Variants in KIF15 observed in about 807,000 individuals in gnomAD.
KIF15 encodes kinesin-like protein KIF15.
A neutral mutation model predicts 190.6 loss-of-function variants in KIF15; 140 were observed. The ratio of observed to expected loss-of-function variants is 0.73; its 90% CI spans 0.64 to 0.84. KIF15 has a LOEUF of 0.84. KIF15 is among the 40% of genes least tolerant of loss of function. The pLI, the probability that KIF15 is intolerant of heterozygous loss-of-function variation, is 0.00. For synonymous variants in KIF15, 528 were observed against 551.3 expected, an observed-to-expected ratio of 0.96 and a Z score of 0.59; for missense variants, 1,372 against 1,584.4, an observed-to-expected ratio of 0.87 and a Z score of 2.28.
At chr3:44,861,247 T>A (rs1300553695) in intron 6 of KIF15, among the ~76,000 whole-genome samples, 1 of 152,190 alleles carries the variant, frequency 6.6e-6, no homozygotes. Flanking sequence ...CGCCTCGGCC[T>A]CCCAAAGTGC....
At position 44,784,728 on chromosome 3, in the gene KIF15, G is replaced by C. The variant is rs914421206; in HGVS notation, c.362-117G>C. On this transcript the variant is annotated intron_variant, in intron 5 of 34. Transcript: ENST00000326047. ...TCACAGACCTAGATTTAACTTGCTT[G>C]GAGCACAAGTAGGAAACTGATTGTA... is the stretch of plus-strand genomic sequence containing the variant. The C allele has an allele frequency of 9.5e-6, 6 of 634,420 alleles. No individual in the cohort carries two copies. The African/African-American group carries it at 9.6e-5, about 10-fold the overall frequency. The allele number at this position is 634,420 out of a possible 1,614,324, so 39.3% of individuals were successfully genotyped here.
At chr3:44,812,997 AG>A in intron 18 of KIF15, 77 bp from the exon 19 acceptor site, 2 of 860,598 alleles carry the variant, frequency 2.3e-6, no homozygotes, top group East Asian at 2.8e-5. Flanking sequence ...AAAAAAAAAA[AG>A]AAACAGGTTA....
rs1039661811 is a variant in KIF15, at chr3:44,861,966, G to C, written c.*59+9172G>C. 8 of 1,399,018 alleles carry C rather than the reference G, an allele frequency of 5.7e-6. No homozygotes were observed. In the South Asian group the frequency reaches 7.8e-5, roughly 14 times the overall value. The allele number at this position is 1,399,018 out of a possible 1,614,324, so 86.7% of individuals were successfully genotyped here. A position where few individuals can be genotyped will look rare whatever the true frequency, so the allele number is the denominator to read the frequency against. ...GGCCTCCGGGCGGCGCCGTGTCCGC[G>C]ACCGCGTACCCTGACACCCCCGCGG... On this transcript the variant is annotated intron_variant and NMD_transcript_variant, in intron 6 of 6. Coordinates refer to the KIF15 transcript ENST00000422209.
intron 6 of KIF15, among the ~76,000 whole-genome samples, chr3:44,858,517 G>A (rs1269011201): frequency 6.6e-6 from 1 of 152,084 alleles, no homozygotes; most frequent in Non-Finnish European, 1.5e-5. Context: ...TCCCATACTT[G>A]TGGGTTAAGG....
At chr3:44,772,219 G>A (rs953360586) in intron 1 of KIF15, among the ~76,000 whole-genome samples, 59 of 152,196 alleles carry the variant, frequency 3.9e-4, no homozygotes, top group Non-Finnish European at 2.2e-4. Flanking sequence ...CCCTTTAAGA[G>A]CAGGGCTAGG....
intron 4 of KIF15, among the ~76,000 whole-genome samples, chr3:44,779,001 A>C (rs1023616336): frequency 6.8e-6 from 1 of 147,076 alleles, no homozygotes; most frequent in African/African-American, 2.5e-5. Context: ...AAAAAAAAAA[A>C]CCAAAACAAA....
chr3:44,862,148 T>G (rs755220049), intron 6 of KIF15: 6 of 123,542 alleles, frequency 4.9e-5, no homozygotes, highest in Non-Finnish European at 8.8e-5. Context: ...GTGCTGCTGC[T>G]GCGGGCGGGC....
At chr3:44,764,284 A>G (rs1244599397) in intron 1 of KIF15, among the ~76,000 whole-genome samples, 1 of 152,134 alleles carries the variant, frequency 6.6e-6, no homozygotes, top group Non-Finnish European at 1.5e-5. Flanking sequence ...CTGATCCCCA[A>G]CCATTACTCT....
In KIF15 at chr3:44,786,405, G is replaced by T. The variant is rs1706407935; in HGVS notation, c.470G>T (p.Gly157Val). 6.2e-7 allele frequency: 1 copy of T among 1,608,688 alleles called. No homozygotes were observed. Residue 157 changes from glycine (G) to valine (V), a missense_variant, in exon 7 of 35, where the codon GGA becomes GTA. Coordinates refer to ENST00000326047, the MANE Select transcript of KIF15 (RefSeq NM_020242.3). ...GCTTCTTTTTTACAGGCTGGAGCTGGAAAGAGTTTCCTTTGTAAGTGTTCC... is the reference window on the plus strand; with the variant it reads ...GCTTCTTTTTTACAGGCTGGAGCTGTAAAGAGTTTCCTTTGTAAGTGTTCC... ...IDREKEKAGA[G>V]KSFLCKCSFI...
intron 30 of KIF15, 50 bp downstream of exon 30, chr3:44,843,284 G>A (rs1263234724): frequency 1.6e-6 from 2 of 1,281,256 alleles, no homozygotes; most frequent in East Asian, 2.3e-5. Flanking sequence ...GCCTGCCTGT[G>A]TGGAGTTAAA....
At chr3:44,814,855 G>T (rs1707955501) in intron 19 of KIF15, 56 bp from the exon 20 acceptor site, 3 of 1,437,802 alleles carry the variant, frequency 2.1e-6, no homozygotes, top group African/African-American at 1.4e-5. Flanking sequence ...GTACCTATCA[G>T]ATTTATTTGT....
At chr3:44,838,835 A>T (rs988676206) in intron 27 of KIF15, among the ~76,000 whole-genome samples, 1 of 151,622 alleles carries the variant, frequency 6.6e-6, no homozygotes, top group African/African-American at 2.4e-5. Flanking sequence ...TTCTCCATGT[A>T]CAAAGGGGAG....
At chr3:44,768,692 A>G (rs1295502743) in intron 1 of KIF15, among the ~76,000 whole-genome samples, 8 of 152,294 alleles carry the variant, frequency 5.3e-5, no homozygotes, top group African/African-American at 1.7e-4. Context: ...TAGAATAAAG[A>G]TAAGGACAAA....
intron 20 of KIF15, among the ~76,000 whole-genome samples, chr3:44,823,620 T>C (rs1356327808): frequency 1.3e-5 from 2 of 152,152 alleles, no homozygotes; most frequent in Non-Finnish European, 2.9e-5. Flanking sequence ...CCCCCACAGG[T>C]GGAATCTATA....
chr3:44,820,884 T>C (rs1362104588), intron 20 of KIF15, among the ~76,000 whole-genome samples: 1 of 150,548 alleles, frequency 6.6e-6, no homozygotes, highest in Non-Finnish European at 1.5e-5. Flanking sequence ...CCAGACGGGG[T>C]GGTGGCCGGG....
chr3:44,862,491 C>G (rs559009066), intron 6 of KIF15: 1 of 152,722 alleles, frequency 6.5e-6, no homozygotes, highest in Non-Finnish European at 1.5e-5. Context: ...TTTTAAGTCC[C>G]TTGTGCCTGA....
intron 26 of KIF15, among the ~76,000 whole-genome samples, chr3:44,833,911 A>G (rs1389055496): frequency 3.3e-5 from 5 of 152,234 alleles, no homozygotes; most frequent in Admixed American, 6.5e-5. Context: ...ATGATGGGCT[A>G]AAAATTCAGT....
Position 44,811,054 on chromosome 3 carries a change from G to A in KIF15, c.2169+11G>A. ...CTTAGAACAGTGCAGGTAATGTTTT[G>A]TTCTAGAAAAAATAAATAACTGGAC... On this transcript the variant is annotated intron_variant, in intron 17 of 34. Coordinates refer to ENST00000326047, the MANE Select transcript of KIF15 (RefSeq NM_020242.3). 6.4e-7 allele frequency: 1 copy of A among 1,565,972 alleles called. No individual in the cohort carries two copies. The highest frequency in any genetic ancestry group is 8.6e-7 in the Non-Finnish European group (1 of 1,160,898).
intron 3 of KIF15, among the ~76,000 whole-genome samples, chr3:44,775,888 G>C (rs538182916): frequency 1.3e-4 from 19 of 151,764 alleles, no homozygotes; most frequent in African/African-American, 4.3e-4. Context: ...AGATCATCCT[G>C]GCTAACACAG....
Sources: allele counts gnomAD v4.1 joint callset (sites outside exome capture counted in the v4.1 genomes callset), GRCh38; gene constraint gnomAD v4.1.1; transcripts MANE v1.5; gene names NCBI Gene and HGNC (gene_info 2026-07-23, HGNC 2026-07-21).